Variants in ATP2C2 observed in about 807,000 individuals in gnomAD.
ATP2C2 encodes calcium-transporting ATPase type 2C member 2.
In ATP2C2, 171 loss-of-function variants were observed where a neutral mutation model predicts 110.8. The ratio of observed to expected loss-of-function variants is 1.54; its 90% confidence interval spans 1.36 to 1.75. The LOEUF is 1.75. ATP2C2 is among the 40% of genes most tolerant of loss of function. The pLI is 0.00. For missense variants in ATP2C2, 1,963 were observed against 1,235.0 expected, an observed-to-expected ratio of 1.59 and a Z score of -8.84; for synonymous variants, 804 against 508.4, an observed-to-expected ratio of 1.58 and a Z score of -7.82.
chr16:84,422,651 A>T lies in ATP2C2; in HGVS notation c.797A>T (p.Glu266Val). ...CAGGGGGTCGTGATTGGAACAGGGG[A>T]AAGCTCTCAGTTCGGAGAAGTGTTT... is the stretch of plus-strand genomic sequence containing the variant. ...RGQGVVIGTG[E>V]SSQFGEVFKM... Residue 266 changes from glutamate (E) to valine (V), a missense_variant, in exon 9 of 27, where the codon GAA becomes GTA. Coordinates refer to ENST00000262429, the MANE Select transcript of ATP2C2 (RefSeq NM_014861.4). 2 of 1,613,586 alleles carry T rather than the reference A, an allele frequency of 1.2e-6. No homozygotes were observed. The highest frequency in any genetic ancestry group is 1.7e-6 in the Non-Finnish European group (2 of 1,179,824).
Position 84,405,215 on chromosome 16 carries a change from G to A in ATP2C2, c.298G>A (p.Glu100Lys), listed in dbSNP as rs201061113. 136 of 1,613,936 alleles carry A rather than the reference G, an allele frequency of 8.4e-5. No individual in the cohort carries two copies. The highest frequency in any genetic ancestry group is 1.0e-4 in the Non-Finnish European group (123 of 1,179,992). ...GAATGAGTTTGTTGCTGACAACAGC[G>A]AACCTGTGTGGAAGAAATACCTGGA... is the stretch of plus-strand genomic sequence containing the variant. Reference protein sequence around the residue: ...GWNEFVADNSEPVWKKYLDQF... With the variant: ...GWNEFVADNSKPVWKKYLDQF... The change falls in exon 3 of 27, where the codon GAA (glutamate) becomes AAA (lysine). Residue 100 changes from glutamate (E) to lysine (K), a missense_variant. Transcript: ENST00000262429.
rs189159002 is a variant in ATP2C2, at chr16:84,432,029, G to C, written c.986+6228G>C. ...TCTCCCGCCGAGCTGAAGAACGGGA[G>C]GGTCCCTGAGAGAGATGGCAAACCT... On this transcript the variant is annotated intron_variant, in intron 11 of 26. Transcript: ENST00000262429. 3.9e-3 allele frequency among the ~76,000 whole-genome samples: 595 copies of C among 152,280 alleles called. 3 individuals carry two copies. Among genetic ancestry groups the C allele is most frequent in the Non-Finnish European group, 6.3e-3 (427 of 68,018 alleles).
intron 15 of ATP2C2, among the ~76,000 whole-genome samples, chr16:84,442,937 G>A (rs957287562): frequency 1.3e-5 from 2 of 152,124 alleles, no homozygotes; most frequent in South Asian, 2.1e-4. Flanking sequence ...TGTGCTCACC[G>A]AGGCACCACT....
intron 14 of ATP2C2, among the ~76,000 whole-genome samples, chr16:84,441,845 C>CG (rs1909286228): frequency 6.6e-6 from 1 of 151,956 alleles, no homozygotes; most frequent in African/African-American, 2.4e-5. Flanking sequence ...TTGCCTTGAA[C>CG]CAGGGAGGCA....
chr16:84,378,638 G>T (rs1910390266), intron 1 of ATP2C2, among the ~76,000 whole-genome samples: 1 of 152,240 alleles, frequency 6.6e-6, no homozygotes, highest in Admixed American at 6.5e-5. Flanking sequence ...ATCAAGCCCT[G>T]TCTTGCTTTG....
chr16:84,398,518 T>A lies in ATP2C2; in HGVS notation c.119T>A (p.Leu40Gln). The A allele has an allele frequency of 6.2e-7, 1 of 1,612,892 alleles. No individual in the cohort carries two copies. The highest frequency in any genetic ancestry group is 1.1e-5 in the South Asian group (1 of 90,952). Residue 40 changes from leucine (L) to glutamine (Q), a missense_variant, in exon 2 of 27, where the codon CTG (leucine) becomes CAG (glutamine). Physicochemically the swap from Leu to Gln is moderately radical, Grantham distance 113. Transcript: ENST00000262429. Reference sequence around the variant, plus strand: ...TCACAGATTGATGAACAGAGTGAGCTGAAAGCCATCGAGAAAGAGAAGAAG... The same window carrying A: ...TCACAGATTGATGAACAGAGTGAGCAGAAAGCCATCGAGAAAGAGAAGAAG... ...EEALIDEQSE[L>Q]KAIEKEKKVT...
chr16:84,454,266 A>C (rs1319806010), intron 20 of ATP2C2, among the ~76,000 whole-genome samples: 2 of 152,186 alleles, frequency 1.3e-5, no homozygotes, highest in African/African-American at 2.4e-5. Flanking sequence ...GCAGGAGCCC[A>C]ATAAAGAGCT....
intron 7 of ATP2C2, among the ~76,000 whole-genome samples, chr16:84,418,648 C>T (rs904643412): frequency 2.6e-5 from 4 of 152,320 alleles, no homozygotes; most frequent in African/African-American, 4.8e-5. Flanking sequence ...CGCAGTCACA[C>T]GGCAGTGGGC....
chr16:84,406,523 C>T (rs1459348939), intron 3 of ATP2C2: 2 of 917,722 alleles, frequency 2.2e-6, no homozygotes, highest in Non-Finnish European at 2.6e-6. Flanking sequence ...CGGAACCAAT[C>T]ACAGTCCCCT....
intron 1 of ATP2C2, among the ~76,000 whole-genome samples, chr16:84,387,306 A>C (rs1457305986): frequency 6.6e-6 from 1 of 151,876 alleles, no homozygotes; most frequent in Admixed American, 6.6e-5. Context: ...TGGATCACCT[A>C]AACTCAGGAA....
chr16:84,408,539 G>T (rs757056342), intron 4 of ATP2C2, 45 bp downstream of exon 4: 2 of 1,465,170 alleles, frequency 1.4e-6, no homozygotes, highest in Non-Finnish European at 9.5e-7. Flanking sequence ...GCAGCCACAG[G>T]TCTGCTGAGT....
chr16:84,375,218 G>A (rs1339101232), intron 1 of ATP2C2, among the ~76,000 whole-genome samples: 7 of 152,200 alleles, frequency 4.6e-5, no homozygotes, highest in South Asian at 4.1e-4. Flanking sequence ...CACAGTGGAC[G>A]GCTATGATTC....
chr16:84,381,864 G>A (rs1910597945), intron 1 of ATP2C2, among the ~76,000 whole-genome samples: 1 of 152,138 alleles, frequency 6.6e-6, no homozygotes. Context: ...GAAATCTGAG[G>A]CTTAGAAAAT....
rs1911663507 is a variant in ATP2C2 at position 84,463,948 on chromosome 16, A to C, written c.*216A>C. ...CCCGCTGGCTGTGGGACAGACAGGG[A>C]GGGGCCTGTACAGAAACACCACACT... On this transcript the variant is annotated 3_prime_UTR_variant, in exon 27 of 27. Transcript: ENST00000262429. 1.8e-6 allele frequency: 1 copy of C among 551,072 alleles called. No individual in the cohort carries two copies. Among genetic ancestry groups the C allele is most frequent in the African/African-American group, 1.9e-5 (1 of 53,032 alleles). 34.1% of individuals were successfully genotyped at this position (551,072 alleles called of 1,614,324 possible). A position where few individuals can be genotyped will look rare whatever the true frequency, so the allele number is the denominator to read the frequency against.
intron 17 of ATP2C2, 124 bp downstream of exon 17, chr16:84,448,813 C>A: frequency 2.3e-6 from 3 of 1,323,694 alleles, no homozygotes; most frequent in Admixed American, 2.4e-5. Flanking sequence ...AGCATGCTGA[C>A]GGCAATAATG....
At chr16:84,383,574 A>C (rs181179106) in intron 1 of ATP2C2, among the ~76,000 whole-genome samples, 30 of 152,294 alleles carry the variant, frequency 2.0e-4, no homozygotes, top group Admixed American at 3.9e-4. Flanking sequence ...ATGGACAGAA[A>C]AGTTGTAAGA....
chr16:84,460,374 G>C (rs966264352), intron 23 of ATP2C2: 2 of 496,732 alleles, frequency 4.0e-6, no homozygotes, highest in East Asian at 7.5e-5. Context: ...GGGTGATGGA[G>C]ATCATCTGGG....
chr16:84,461,945 G>C (rs755914456), intron 25 of ATP2C2, 43 bp from the exon 26 acceptor site: 2 of 1,609,546 alleles, frequency 1.2e-6, no homozygotes, highest in African/African-American at 1.3e-5. Flanking sequence ...TGTACCTGGG[G>C]TGTGGACAGC....
intron 1 of ATP2C2, among the ~76,000 whole-genome samples, chr16:84,384,689 T>A (rs1301782797): frequency 5.9e-5 from 9 of 152,206 alleles, no homozygotes; most frequent in Admixed American, 4.6e-4. Context: ...TGGATTACTA[T>A]CACAACGTTT....
Sources: gnomAD v4.1 joint callset for allele counts (sites outside exome capture counted in the v4.1 genomes callset) on GRCh38, gnomAD v4.1.1 for gene constraint, MANE v1.5 for transcripts, NCBI Gene and HGNC (gene_info 2026-07-23, HGNC 2026-07-21) for gene names.